The following FHIT variants were observed in gnomAD, a reference collection of about 807,000 sequenced individuals.
The protein encoded by FHIT is fragile histidine triad diadenosine triphosphatase, also known as bis(5'-adenosyl)-triphosphatase.
A neutral mutation model predicts 17.9 loss-of-function variants in FHIT; 19 were observed. The ratio of observed to expected loss-of-function variants is 1.06; its 90% CI spans 0.74 to 1.56. The LOEUF is 1.56. FHIT is among the 40% of genes most tolerant of loss of function. The pLI is 0.00. For missense variants in FHIT, 248 were observed against 189.2 expected (o/e 1.31, Z -1.82); for synonymous variants, 81 against 69.7 (o/e 1.16, Z -0.81).
intron 3 of FHIT, among the ~76,000 whole-genome samples, chr3:60,974,955 C>CA (rs1710173259): frequency 6.6e-6 from 1 of 151,940 alleles, no homozygotes; most frequent in Non-Finnish European, 1.5e-5. Flanking sequence ...CAGAAGTTTC[C>CA]AAAAAAGAAG....
intron 2 of FHIT, among the ~76,000 whole-genome samples, chr3:61,116,707 G>C (rs1167466394): frequency 6.6e-6 from 1 of 151,638 alleles, no homozygotes; most frequent in African/African-American, 2.4e-5. Context: ...ATCTTTCAAA[G>C]CACCATAATT....
intron 4 of FHIT, among the ~76,000 whole-genome samples, chr3:60,555,307 G>C (rs2036705933): frequency 6.6e-6 from 1 of 152,154 alleles, no homozygotes; most frequent in Admixed American, 6.5e-5. Context: ...AGTATGGCCA[G>C]ACTTTACTGT....
chr3:60,042,055 C>T (rs902959072), intron 5 of FHIT, among the ~76,000 whole-genome samples: 8 of 152,134 alleles, frequency 5.3e-5, no homozygotes, highest in African/African-American at 1.4e-4. Flanking sequence ...CACTCTCAGA[C>T]GAAGGCCCTT....
At chr3:60,110,504 T>A (rs1704624349) in intron 5 of FHIT, among the ~76,000 whole-genome samples, 1 of 152,190 alleles carries the variant, frequency 6.6e-6, no homozygotes, top group East Asian at 1.9e-4. Context: ...AGTTTATGGC[T>A]TAGTGATGTA....
chr3:60,218,290 A>G (rs1245160202), intron 5 of FHIT, among the ~76,000 whole-genome samples: 1 of 152,086 alleles, frequency 6.6e-6, no homozygotes, highest in African/African-American at 2.4e-5. Context: ...ATTGTAGTTA[A>G]ATATATTTTA....
At chr3:60,077,739 G>GA (rs56848166) in intron 5 of FHIT, among the ~76,000 whole-genome samples, 14,001 of 68,306 alleles carry the variant, frequency 0.2, 912 homozygotes, top group African/African-American at 0.27. Flanking sequence ...CATATATAGA[G>GA]GGGGGGGGGA....
At chr3:60,433,828 A>G (rs2029960087) in intron 5 of FHIT, among the ~76,000 whole-genome samples, 1 of 152,084 alleles carries the variant, frequency 6.6e-6, no homozygotes, top group African/African-American at 2.4e-5. Context: ...TATTAGATGC[A>G]TCAGATGTAT....
chr3:60,555,209 G>A (rs2036702352), intron 4 of FHIT, among the ~76,000 whole-genome samples: 2 of 151,966 alleles, frequency 1.3e-5, no homozygotes, highest in Admixed American at 1.3e-4. Context: ...CTGATTCCCT[G>A]TGTTCTTCCA....
At chr3:59,923,157 G>A (rs6797901) in intron 7 of FHIT, among the ~76,000 whole-genome samples, 21,713 of 148,520 alleles carry the variant, frequency 0.15, 1,983 homozygotes, top group Middle Eastern at 0.24. Context: ...ACCAGGAGGC[G>A]GAGCTTGCAG....
chr3:59,908,520 G>A (rs1013664002), intron 8 of FHIT, among the ~76,000 whole-genome samples: 4 of 152,164 alleles, frequency 2.6e-5, no homozygotes, highest in African/African-American at 7.2e-5. Context: ...AAAGAATGAT[G>A]GCATTCCTTA....
chr3:60,718,914 T>G (rs1553707425), intron 4 of FHIT, among the ~76,000 whole-genome samples: 1 of 152,224 alleles, frequency 6.6e-6, no homozygotes, highest in African/African-American at 2.4e-5. Context: ...TTGATGCTTT[T>G]TTATTTAGCT....
At chr3:60,271,730 G>A (rs1343286959) in intron 5 of FHIT, among the ~76,000 whole-genome samples, 1 of 152,146 alleles carries the variant, frequency 6.6e-6, no homozygotes, top group Non-Finnish European at 1.5e-5. Flanking sequence ...TGTTGGTATT[G>A]ATCCTTCCCT....
At chr3:60,732,198 C>T in intron 4 of FHIT, 4 of 815,700 alleles carry the variant, frequency 4.9e-6, no homozygotes, top group Admixed American at 3.5e-5. Context: ...CCTTATCATT[C>T]CTGGACCCAA....
intron 5 of FHIT, among the ~76,000 whole-genome samples, chr3:60,026,281 C>T (rs1700737891): frequency 6.6e-6 from 1 of 150,644 alleles, no homozygotes; most frequent in South Asian, 2.1e-4. Context: ...GCATATTTCA[C>T]ACCAACAAAT....
intron 4 of FHIT, among the ~76,000 whole-genome samples, chr3:60,767,107 G>A (rs901064628): frequency 1.3e-5 from 2 of 152,100 alleles, no homozygotes; most frequent in Non-Finnish European, 2.9e-5. Flanking sequence ...GCCTACAAAT[G>A]TTAACAGAAA....
intron 5 of FHIT, among the ~76,000 whole-genome samples, chr3:60,268,755 T>C (rs1706714729): frequency 6.6e-6 from 1 of 152,166 alleles, no homozygotes; most frequent in African/African-American, 2.4e-5. Context: ...TCAGAACCTC[T>C]GAATATGCTT....
At chr3:60,145,352 T>C (rs1476025237) in intron 5 of FHIT, among the ~76,000 whole-genome samples, 1 of 152,226 alleles carries the variant, frequency 6.6e-6, no homozygotes, top group Non-Finnish European at 1.5e-5. Context: ...CACTTGGGCT[T>C]GTACATTATT....
chr3:60,782,237 G>GTGTATATATATATATATATATATATA (rs1553725880), intron 4 of FHIT, among the ~76,000 whole-genome samples: 1 of 95,532 alleles, frequency 1.0e-5, no homozygotes, highest in African/African-American at 3.5e-5. Context: ...GTGTGTGTGT[G>GTGTATATATATATATATATATATATA]TATATATATA....
chr3:60,980,242 G>C lies in FHIT; in HGVS notation c.-111+61805C>G, dbSNP rs145934648. On this transcript the variant is annotated intron_variant, in intron 3 of 9. Coordinates refer to ENST00000492590, the MANE Select transcript of FHIT (RefSeq NM_002012.4). ...TTTACTCTGTATAAAGCATAAGAAG[G>C]ATAAAAAAAATAAACACAACATCTT... Among the ~76,000 whole-genome samples, 258 of 152,112 alleles carry C rather than the reference G, an allele frequency of 1.7e-3. 3 individuals are homozygous for C. The highest frequency in any genetic ancestry group is 0.014 in the Admixed American group (210 of 15,280).
Sources: gnomAD v4.1 joint callset for allele counts (sites outside exome capture counted in the v4.1 genomes callset) on GRCh38, gnomAD v4.1.1 for gene constraint, MANE v1.5 for transcripts, NCBI Gene and HGNC (gene_info 2026-07-23, HGNC 2026-07-21) for gene names.